Variants in TLE4 observed in about 807,000 individuals in gnomAD.
TLE4 encodes the protein TLE family member 4, transcriptional corepressor.
A neutral mutation model predicts 92.8 loss-of-function variants in TLE4; 8 were observed. The ratio of observed to expected loss-of-function variants is 0.09; its 90% CI spans 0.05 to 0.16. TLE4 has a LOEUF of 0.16. TLE4 is among the 10% of genes least tolerant of loss of function. The probability of loss-of-function intolerance (pLI) is 1.00; values close to 1 mark genes in which losing one functional copy is unlikely to be tolerated. For synonymous variants in TLE4, 371 were observed against 374.1 expected (o/e 0.99, Z 0.10); for missense variants, 675 against 997.6 (o/e 0.68, Z 4.36).
At chr9:79,720,342 C>A (rs373606948) in intron 16 of TLE4, 49 bp downstream of exon 16, 1 of 1,562,310 alleles carries the variant, frequency 6.4e-7, no homozygotes, top group Non-Finnish European at 8.7e-7. Context: ...GCCGATTTTA[C>A]CATATTTTGC....
intron 8 of TLE4, among the ~76,000 whole-genome samples, chr9:79,673,157 A>G (rs1426022514): frequency 2.0e-5 from 3 of 152,218 alleles, no homozygotes; most frequent in African/African-American, 7.2e-5. Context: ...TTCAGAATAA[A>G]TATCAGAGAG....
At chr9:79,652,930 T>G (rs1378362364) in intron 7 of TLE4, 136 bp downstream of exon 7, 1 of 978,038 alleles carries the variant, frequency 1.0e-6, no homozygotes, top group Admixed American at 1.7e-5. Context: ...GAAGGTAAAT[T>G]AATTACTGCA....
At chr9:79,627,941 A>T (rs1473249205) in intron 6 of TLE4, among the ~76,000 whole-genome samples, 1 of 152,158 alleles carries the variant, frequency 6.6e-6, no homozygotes, top group East Asian at 1.9e-4. Context: ...GAAATAATAG[A>T]TGAACTACAC....
intron 4 of TLE4, among the ~76,000 whole-genome samples, chr9:79,579,132 T>G (rs979683053): frequency 2.0e-5 from 3 of 152,222 alleles, no homozygotes; most frequent in African/African-American, 7.2e-5. Flanking sequence ...CCCTAAGGAT[T>G]TCCCTAAGTG....
rs149469147 is a variant in TLE4 at position 79,603,879 on chromosome 9, A to AC, written c.253-8776dup. ...TGGAGCCTACATTCTCTAGAACCTT[A>AC]CTACTAGGGGTCTGGTCTGTGGACC... On this transcript the variant is annotated intron_variant, in intron 4 of 19. Coordinates refer to ENST00000376552, the MANE Select transcript of TLE4 (RefSeq NM_007005.6). Among the ~76,000 whole-genome samples, 1,043 of 152,222 alleles carry AC rather than the reference A, an allele frequency of 6.9e-3. 11 individuals carry two copies. The highest frequency in any genetic ancestry group is 0.023 in the African/African-American group (960 of 41,530).
chr9:79,590,557 G>T (rs991354671), intron 4 of TLE4, among the ~76,000 whole-genome samples: 6 of 152,248 alleles, frequency 3.9e-5, no homozygotes, highest in African/African-American at 1.4e-4. Flanking sequence ...ATTTCCAAAG[G>T]CTCCATATGG....
At chr9:79,670,449 T>C (rs1192717111) in intron 8 of TLE4, among the ~76,000 whole-genome samples, 1 of 152,188 alleles carries the variant, frequency 6.6e-6, no homozygotes, top group Non-Finnish European at 1.5e-5. Flanking sequence ...AGGGTAAGCA[T>C]ATTTTTGTAA....
intron 4 of TLE4, among the ~76,000 whole-genome samples, chr9:79,584,102 A>G (rs2040441956): frequency 6.6e-6 from 1 of 152,236 alleles, no homozygotes; most frequent in Non-Finnish European, 1.5e-5. Context: ...AGTCACTGGC[A>G]GAAGAGGAAA....
intron 8 of TLE4, among the ~76,000 whole-genome samples, chr9:79,674,166 T>C (rs965111950): frequency 3.3e-5 from 5 of 152,202 alleles, no homozygotes; most frequent in Admixed American, 6.5e-5. Context: ...TTTGTAGCCG[T>C]TGCCATGGGC....
At chr9:79,682,650 A>G (rs2064965558) in intron 8 of TLE4, among the ~76,000 whole-genome samples, 3 of 152,216 alleles carry the variant, frequency 2.0e-5, no homozygotes, top group African/African-American at 7.2e-5. Context: ...TCCTAGGCTT[A>G]AATTAAGCCA....
At chr9:79,702,128 C>T (rs1323609186) in intron 8 of TLE4, among the ~76,000 whole-genome samples, 1 of 152,182 alleles carries the variant, frequency 6.6e-6, no homozygotes, top group Admixed American at 6.5e-5. Context: ...CGAAAATACA[C>T]AGAGCCCAGG....
At chr9:79,668,926 G>A (rs2061826323) in intron 8 of TLE4, 2 of 735,936 alleles carry the variant, frequency 2.7e-6, no homozygotes, top group South Asian at 1.2e-4. Flanking sequence ...TTTTATTCAT[G>A]AGGAATTATC....
Position 79,722,623 on chromosome 9 carries a change from A to G in TLE4, c.2137+22A>G, listed in dbSNP as rs2075818074. The G allele has an allele frequency of 2.5e-6, 4 of 1,609,964 alleles. No homozygotes were observed. The Admixed American group carries it at 5.0e-5, about 20-fold the overall frequency. ...TGTGGTAAGCAAGCACCTTTTGTCC[A>G]TTTTCTGTCAACCAGAATTGCTCCT... On this transcript the variant is annotated intron_variant, in intron 18 of 19. Coordinates refer to ENST00000376552, the MANE Select transcript of TLE4 (RefSeq NM_007005.6).
chr9:79,645,743 T>C (rs891529373), intron 6 of TLE4, among the ~76,000 whole-genome samples: 3 of 152,234 alleles, frequency 2.0e-5, no homozygotes, highest in Non-Finnish European at 4.4e-5. Flanking sequence ...TTAATTATCT[T>C]AATGGAGTAC....
chr9:79,703,896 TC>T (rs1161449568), intron 8 of TLE4, among the ~76,000 whole-genome samples: 1 of 152,178 alleles, frequency 6.6e-6, no homozygotes, highest in African/African-American at 2.4e-5. Flanking sequence ...ATGACTGCCA[TC>T]TTTGGTTGCT....
At chr9:79,683,678 A>G (rs2065207151) in intron 8 of TLE4, among the ~76,000 whole-genome samples, 1 of 152,220 alleles carries the variant, frequency 6.6e-6, no homozygotes, top group African/African-American at 2.4e-5. Context: ...CTGATCTTGA[A>G]ATATTCTCCG....
At chr9:79,616,420 C>A (rs114883373) in intron 5 of TLE4, among the ~76,000 whole-genome samples, 1 of 152,108 alleles carries the variant, frequency 6.6e-6, no homozygotes, top group Non-Finnish European at 1.5e-5. Context: ...CACCTACTGC[C>A]GTTGACTAGT....
chr9:79,665,470 G>C (rs1299295126), intron 8 of TLE4, among the ~76,000 whole-genome samples: 2 of 152,178 alleles, frequency 1.3e-5, no homozygotes, highest in African/African-American at 2.4e-5. Context: ...AGAGCTTCTG[G>C]TGAGTCCTGA....
intron 4 of TLE4, among the ~76,000 whole-genome samples, chr9:79,581,776 C>G (rs1398120688): frequency 6.6e-6 from 1 of 152,158 alleles, no homozygotes; most frequent in Non-Finnish European, 1.5e-5. Context: ...ATTCAGGCCC[C>G]AGTTCATTCC....
Sources: gnomAD v4.1 joint callset for allele counts (sites outside exome capture counted in the v4.1 genomes callset) on GRCh38, gnomAD v4.1.1 for gene constraint, MANE v1.5 for transcripts, NCBI Gene and HGNC (gene_info 2026-07-23, HGNC 2026-07-21) for gene names.